The following SUPT7L variants were observed in gnomAD, a reference collection of about 807,000 sequenced individuals.
SUPT7L encodes the protein SPT7 like, STAGA complex subunit gamma.
A neutral mutation model predicts 35.7 loss-of-function variants in SUPT7L; 15 were observed. That is an observed-to-expected ratio of 0.42 (90% CI 0.28 to 0.65). The LOEUF (loss-of-function observed/expected upper bound fraction) is 0.65. Among genes scored for constraint, SUPT7L ranks in the 30% least tolerant of loss-of-function variants. The pLI, the probability that SUPT7L is intolerant of heterozygous loss-of-function variation, is 0.23. For missense variants in SUPT7L, 434 were observed against 522.2 expected (o/e 0.83, Z 1.65); for synonymous variants, 168 against 186.2 (o/e 0.90, Z 0.79).
At chr2:27,649,202 ACCAT>A (rs1404761453), downstream of SUPT7L, among the ~76,000 whole-genome samples, 1 of 151,604 alleles carries the variant, frequency 6.6e-6, no homozygotes, top group African/African-American at 2.4e-5. Flanking sequence ...CTGAGAGCTC[ACCAT>A]TGCACTCAGG....
Position 27,662,212 on chromosome 2 carries a change from G to A in SUPT7L, c.-20C>T. The stretch of plus-strand genomic sequence containing the variant: ...ATTCATTGTCCATATGTCTCTTCAA[G>A]TTCAACAAACATTTATCAAATGCCA... On this transcript the variant is annotated 5_prime_UTR_variant, in exon 2 of 6. Coordinates refer to ENST00000337768, the MANE Select transcript of SUPT7L (RefSeq NM_014860.3). The A allele has an allele frequency of 6.2e-7, 1 of 1,613,870 alleles. No individual in the cohort carries two copies. Among genetic ancestry groups the A allele is most frequent in the Non-Finnish European group, 8.5e-7 (1 of 1,179,798 alleles).
downstream of SUPT7L, chr2:27,647,824 TTTTC>T: frequency 6.5e-7 from 1 of 1,542,622 alleles, no homozygotes; most frequent in Non-Finnish European, 9.0e-7. Context: ...CTGATAGGTG[TTTTC>T]ACTGTAGACA....
At chr2:27,642,956 TATACACAC>T in the SUPT7L span, among the ~76,000 whole-genome samples, 2 of 85,732 alleles carry the variant, frequency 2.3e-5, no homozygotes, top group African/African-American at 7.1e-5. Flanking sequence ...TATATATATA[TATACACAC>T]ACACACACAC....
At position 27,661,388 on chromosome 2, in the gene SUPT7L, T is replaced by A. The variant is rs372331209; in HGVS notation, c.15A>T (p.Arg5Ser). MNLQ[R>S]YWGEIPISSS... The stretch of plus-strand genomic sequence containing the variant: ...ATGATATTGGTATCTCTCCCCAGTA[T>A]CTCAACATTTTGGAATAAGAAGAGA... The change falls in exon 3 of 6, where the codon AGA becomes AGT. Residue 5 changes from arginine to serine, a missense_variant and splice_region_variant. Coordinates refer to ENST00000337768, the MANE Select transcript of SUPT7L (RefSeq NM_014860.3). 6.2e-7 allele frequency: 1 copy of A among 1,613,482 alleles called. No individual in the cohort carries two copies. The highest frequency in any genetic ancestry group is 1.3e-5 in the African/African-American group (1 of 74,904).
At chr2:27,645,890 G>A (rs547819460), downstream of SUPT7L, among the ~76,000 whole-genome samples, 58 of 151,064 alleles carry the variant, frequency 3.8e-4, no homozygotes, top group Non-Finnish European at 6.8e-4. Flanking sequence ...CCACCATGCC[G>A]GGCTAAATTT....
chr2:27,653,654 A>G lies in SUPT7L; in HGVS notation c.1076T>C (p.Val359Ala), dbSNP rs1674660513. 1 of 1,614,192 alleles carries G rather than the reference A, an allele frequency of 6.2e-7. No homozygotes were observed. Among genetic ancestry groups the G allele is most frequent in the Non-Finnish European group, 8.5e-7 (1 of 1,180,040 alleles). The stretch of plus-strand genomic sequence containing the variant: ...CTCCTCGAAGACATCACTGCCCAGC[A>G]CACCATGCCCAGAGACATTGCCTTC... ...SEEGNVSGHG[V>A]LGSDVFEEPM... Residue 359 changes from valine to alanine, a missense_variant, in exon 6 of 6, where the codon GTG becomes GCG. By Grantham distance (64) the Val-to-Ala change is moderately conservative. This residue lies in a region of SUPT7L where 159 missense variants were observed against 217.1 expected (regional missense o/e 0.73). Coordinates refer to ENST00000337768, the MANE Select transcript of SUPT7L (RefSeq NM_014860.3).
chr2:27,644,928 C>T, the SUPT7L span, among the ~76,000 whole-genome samples: 2 of 151,980 alleles, frequency 1.3e-5, no homozygotes, highest in Admixed American at 1.3e-4. Flanking sequence ...AAGTTCCATG[C>T]ATACTTGAGT....
rs1267296078 is a variant in SUPT7L, at chr2:27,651,516, T to C, written c.*1969A>G. 2.6e-5 allele frequency: 4 copies of C among 152,324 alleles called. No homozygotes were observed. The highest frequency in any genetic ancestry group is 7.2e-5 in the African/African-American group (3 of 41,474). The allele number at this position is 152,324 out of a possible 1,614,324, so 9.4% of individuals were successfully genotyped here. ...AAAGTGTTTTATTATAAAGTATTAA[T>C]TTTAATGTTCTATACTTAGTGGGAA... On this transcript the variant is annotated 3_prime_UTR_variant, in exon 6 of 6. Coordinates refer to ENST00000337768, the MANE Select transcript of SUPT7L (RefSeq NM_014860.3).
intron 4 of SUPT7L, 149 bp from the exon 5 acceptor site, chr2:27,655,751 T>C: frequency 1.4e-6 from 1 of 723,262 alleles, no homozygotes; most frequent in Non-Finnish European, 2.3e-6. Context: ...TTTAAGGTGC[T>C]GAGTTTGCAT....
chr2:27,649,035 G>A (rs1674379774), downstream of SUPT7L, among the ~76,000 whole-genome samples: 1 of 151,728 alleles, frequency 6.6e-6, no homozygotes, highest in Non-Finnish European at 1.5e-5. Context: ...CCTGAGGCCA[G>A]GAGTTCAAGA....
intron 5 of SUPT7L, among the ~76,000 whole-genome samples, chr2:27,654,589 C>T (rs552260088): frequency 1.6e-4 from 24 of 151,788 alleles, no homozygotes; most frequent in South Asian, 8.4e-4. Context: ...TTTTTTGAGA[C>T]GGAGTCTTGC....
At chr2:27,646,361 A>G (rs1360389543), downstream of SUPT7L, among the ~76,000 whole-genome samples, 1 of 152,128 alleles carries the variant, frequency 6.6e-6, no homozygotes, top group African/African-American at 2.4e-5. Context: ...AATTTATTCT[A>G]AGTATTTAAC....
the SUPT7L span, among the ~76,000 whole-genome samples, chr2:27,645,249 G>A: frequency 2.0e-5 from 3 of 152,150 alleles, no homozygotes; most frequent in Non-Finnish European, 4.4e-5. Context: ...GGGATCATAG[G>A]CATAAGCCAC....
downstream of SUPT7L, among the ~76,000 whole-genome samples, chr2:27,648,332 C>T (rs1285347060): frequency 1.3e-5 from 2 of 152,004 alleles, no homozygotes; most frequent in African/African-American, 4.8e-5. Flanking sequence ...CAAGCCTGGG[C>T]AACATAGTTA....
At chr2:27,644,563 T>A in the SUPT7L span, among the ~76,000 whole-genome samples, 4 of 152,228 alleles carry the variant, frequency 2.6e-5, no homozygotes, top group African/African-American at 9.6e-5. Flanking sequence ...TAGATTTGTC[T>A]GGTTTTATTT....
chr2:27,663,391 C>T lies in SUPT7L; in HGVS notation c.-152G>A, dbSNP rs1316574717. ...ATGCCCAAGTCCCTCCAGGGGTTTC[C>T]TCGGTCACGGTCCGCCGGCGCAGGC... On this transcript the variant is annotated 5_prime_UTR_variant, in exon 1 of 6. Transcript: ENST00000337768. The T allele has an allele frequency of 1.8e-5, 4 of 225,812 alleles. No homozygotes were observed. Among genetic ancestry groups the T allele is most frequent in the Non-Finnish European group, 3.6e-5 (4 of 111,432 alleles). The allele number at this position is 225,812 out of a possible 1,614,324, so 14.0% of individuals were successfully genotyped here.
At chr2:27,644,787 G>A in the SUPT7L span, among the ~76,000 whole-genome samples, 5 of 141,086 alleles carry the variant, frequency 3.5e-5, no homozygotes, top group African/African-American at 1.1e-4. Flanking sequence ...GGGCTCAAGC[G>A]ATTTTTCCAT....
At chr2:27,646,678 CATTT>C (rs1395854863), downstream of SUPT7L, among the ~76,000 whole-genome samples, 1 of 152,066 alleles carries the variant, frequency 6.6e-6, no homozygotes, top group East Asian at 1.9e-4. Flanking sequence ...AGAAAAGCTC[CATTT>C]ATTTATTTAT....
In SUPT7L at chr2:27,651,386, C is replaced by G. The variant is rs571954200; in HGVS notation, c.*2099G>C. 6.6e-6 allele frequency: 1 copy of G among 152,434 alleles called. No individual in the cohort carries two copies. The highest frequency in any genetic ancestry group is 2.4e-5 in the African/African-American group (1 of 41,572). 9.4% of individuals were successfully genotyped at this position (152,434 alleles called of 1,614,324 possible). On this transcript the variant is annotated 3_prime_UTR_variant, in exon 6 of 6. Transcript: ENST00000337768. ...TAGTAGCCTATGACATAATTCCAGACCAGGTGAATCTCAAGATACTAATCC... is the reference window on the plus strand; with the variant it reads ...TAGTAGCCTATGACATAATTCCAGAGCAGGTGAATCTCAAGATACTAATCC...
Sources: gnomAD v4.1 joint callset for allele counts (sites outside exome capture counted in the v4.1 genomes callset) on GRCh38, gnomAD v4.1.1 for gene constraint, gnomAD v4.1.1 regional missense constraint, MANE v1.5 for transcripts, NCBI Gene and HGNC (gene_info 2026-07-23, HGNC 2026-07-21) for gene names.